The following WIPF2 variants were observed in gnomAD, a reference collection of about 807,000 sequenced individuals.
WIPF2 encodes the protein WAS/WASL interacting protein family member 2.
WIPF2 carries 23 observed loss-of-function variants against 38.8 expected under a neutral mutation model. The ratio of observed to expected loss-of-function variants is 0.59; its 90% CI spans 0.43 to 0.84. WIPF2 has a LOEUF of 0.84. Among genes scored for constraint, WIPF2 ranks in the 40% least tolerant of loss-of-function variants. The pLI is 0.00. For missense variants in WIPF2, 574 were observed against 580.5 expected (o/e 0.99, Z 0.11); for synonymous variants, 210 against 223.2 (o/e 0.94, Z 0.53).
chr17:40,231,336 C>T (rs529037746), intron 1 of WIPF2, among the ~76,000 whole-genome samples: 2 of 151,846 alleles, frequency 1.3e-5, no homozygotes, highest in South Asian at 4.2e-4. Context: ...TATGGAGCAT[C>T]TGTTTAAGTT....
chr17:40,260,487 G>A (rs1364958091), intron 2 of WIPF2, 48 bp from the exon 3 acceptor site: 12 of 1,601,344 alleles, frequency 7.5e-6, no homozygotes, highest in African/African-American at 1.3e-5. Flanking sequence ...GCACCCGGCC[G>A]ATAAAGGGAA....
chr17:40,232,799 C>T (rs943826592), intron 1 of WIPF2, among the ~76,000 whole-genome samples: 9 of 150,812 alleles, frequency 6.0e-5, no homozygotes, highest in East Asian at 4.0e-4. Context: ...CCACCATGCC[C>T]GGCTAATTTT....
chr17:40,235,321 A>C (rs2030923034), intron 1 of WIPF2, among the ~76,000 whole-genome samples: 1 of 152,202 alleles, frequency 6.6e-6, no homozygotes, highest in South Asian at 2.1e-4. Context: ...TTACAAAAGA[A>C]AAAAAATTTA....
intron 1 of WIPF2, among the ~76,000 whole-genome samples, chr17:40,232,132 C>T (rs2030770083): frequency 1.4e-5 from 2 of 145,088 alleles, no homozygotes; most frequent in African/African-American, 2.5e-5. Flanking sequence ...CCCACCTCAG[C>T]GTCCTGAGTA....
In WIPF2 at chr17:40,281,189, C is replaced by A. The variant is rs1598507295; in HGVS notation, c.*2964C>A. On this transcript the variant is annotated 3_prime_UTR_variant, in exon 8 of 8. Coordinates refer to ENST00000323571, the MANE Select transcript of WIPF2 (RefSeq NM_133264.5). Reference sequence around the variant, plus strand: ...TGCCCAGTCCCATTAACTCCCTTGTCCCCCCACAGAAGGAAGAGACATTGC... The same window carrying A: ...TGCCCAGTCCCATTAACTCCCTTGTACCCCCACAGAAGGAAGAGACATTGC... 1 of 152,194 alleles carries A rather than the reference C, an allele frequency of 6.6e-6. No individual in the cohort carries two copies. The highest frequency in any genetic ancestry group is 2.4e-5 in the African/African-American group (1 of 41,512). 9.4% of individuals were successfully genotyped at this position (152,194 alleles called of 1,614,324 possible).
In WIPF2 at chr17:40,282,818, CT is replaced by C; in HGVS notation, c.*4594del. 6.6e-6 allele frequency: 1 copy of C among 152,220 alleles called. No homozygotes were observed. Among genetic ancestry groups the C allele is most frequent in the East Asian group, 1.9e-4 (1 of 5,178 alleles). 9.4% of individuals were successfully genotyped at this position (152,220 alleles called of 1,614,324 possible). ...TTCCAGGTCCCTTGAAAAAGTAGAT[CT>C]ACTGAATTGGGCAGACTCATCTATA... On this transcript the variant is annotated 3_prime_UTR_variant, in exon 8 of 8. Coordinates refer to ENST00000323571, the MANE Select transcript of WIPF2 (RefSeq NM_133264.5).
At chr17:40,251,096 A>G (rs185591451) in intron 1 of WIPF2, among the ~76,000 whole-genome samples, 2 of 151,676 alleles carry the variant, frequency 1.3e-5, no homozygotes, top group African/African-American at 4.8e-5. Context: ...TATGTTTCTT[A>G]GTAGAGACGG....
intron 1 of WIPF2, among the ~76,000 whole-genome samples, chr17:40,226,116 C>CA (rs2030470745): frequency 6.8e-6 from 1 of 147,058 alleles, no homozygotes; most frequent in African/African-American, 2.5e-5. Flanking sequence ...ATCGAATAAT[C>CA]TTTTTTTTTC....
intron 1 of WIPF2, among the ~76,000 whole-genome samples, chr17:40,245,346 CTTT>C (rs537431593): frequency 1.4e-5 from 2 of 143,686 alleles, no homozygotes; most frequent in Non-Finnish European, 1.5e-5. Context: ...CCAGATAATT[CTTT>C]TTTTTTTTTT....
At chr17:40,270,818 A>G (rs953776951) in intron 5 of WIPF2, among the ~76,000 whole-genome samples, 1 of 152,016 alleles carries the variant, frequency 6.6e-6, no homozygotes, top group Admixed American at 6.6e-5. Flanking sequence ...ACAGTGAGGA[A>G]GAGTTGACAT....
intron 5 of WIPF2, among the ~76,000 whole-genome samples, chr17:40,268,776 A>AT (rs1475338074): frequency 1.3e-5 from 2 of 152,142 alleles, no homozygotes; most frequent in African/African-American, 4.8e-5. Flanking sequence ...AAATTGAGAT[A>AT]TTTTAGTCAG....
rs1055785825 is a variant in WIPF2 at position 40,282,556 on chromosome 17, A to G, written c.*4331A>G. ...TATTTTGGAGTTATATTCTGATTAC[A>G]GTGCTCCCTCTCCCAAATAGCATTG... On this transcript the variant is annotated 3_prime_UTR_variant, in exon 8 of 8. Coordinates refer to ENST00000323571, the MANE Select transcript of WIPF2 (RefSeq NM_133264.5). 6.6e-6 allele frequency: 1 copy of G among 152,240 alleles called. No homozygotes were observed. Among genetic ancestry groups the G allele is most frequent in the Non-Finnish European group, 1.5e-5 (1 of 68,050 alleles). The allele number at this position is 152,240 out of a possible 1,614,324, so 9.4% of individuals were successfully genotyped here. A position where few individuals can be genotyped will look rare whatever the true frequency, so the allele number is the denominator to read the frequency against.
Position 40,264,979 on chromosome 17 carries a change from C to A in WIPF2, c.803C>A (p.Pro268His). ...GGGGTCCCCAATGGACCCTCTAGCCCCACTAATGAGTCAGCCCCTGAGCTG... is the reference window on the plus strand; with the variant it reads ...GGGGTCCCCAATGGACCCTCTAGCCACACTAATGAGTCAGCCCCTGAGCTG... ...PPGVPNGPSS[P>H]TNESAPELPQ... The change falls in exon 5 of 8, where the codon CCC becomes CAC. Residue 268 changes from proline to histidine, a missense_variant. Pro to His is a moderately conservative substitution (Grantham distance 77). Coordinates refer to ENST00000323571, the MANE Select transcript of WIPF2 (RefSeq NM_133264.5). The A allele has an allele frequency of 6.2e-7, 1 of 1,614,166 alleles. No individual in the cohort carries two copies. Among genetic ancestry groups the A allele is most frequent in the South Asian group, 1.1e-5 (1 of 91,084 alleles).
At chr17:40,273,436 G>A (rs2032300789) in intron 5 of WIPF2, among the ~76,000 whole-genome samples, 1 of 152,176 alleles carries the variant, frequency 6.6e-6, no homozygotes, top group African/African-American at 2.4e-5. Flanking sequence ...AATGAATTTG[G>A]AGGGGTAAGA....
chr17:40,250,281 C>T lies in WIPF2; in HGVS notation c.-69-6110C>T, dbSNP rs1318753857. ...GTCTCGCTCTGTCAACCCAAGCTGGCGTGCAGTGGCGCATTCTCGGCTCAC... is the reference window on the plus strand; with the variant it reads ...GTCTCGCTCTGTCAACCCAAGCTGGTGTGCAGTGGCGCATTCTCGGCTCAC... On this transcript the variant is annotated intron_variant, in intron 1 of 7. Transcript: ENST00000323571. Among the ~76,000 whole-genome samples, 2 of 115,292 alleles carry T rather than the reference C, an allele frequency of 1.7e-5. 1 individual carries two copies. Among genetic ancestry groups the T allele is most frequent in the Non-Finnish European group, 3.3e-5 (2 of 60,830 alleles). 75.6% of individuals were successfully genotyped at this position (115,292 alleles called of 152,430 possible).
rs753542277 is a variant in WIPF2 at position 40,256,426 on chromosome 17, A to G, written c.-34A>G. 3 of 1,596,040 alleles carry G rather than the reference A, an allele frequency of 1.9e-6. No individual in the cohort carries two copies. Among genetic ancestry groups the G allele is most frequent in the Admixed American group, 3.6e-5 (2 of 55,298 alleles). On this transcript the variant is annotated 5_prime_UTR_variant, in exon 2 of 8. Transcript: ENST00000323571. ...GACCTAAAGGTACAAATAAAGACGGAGAGAGAACAGTGCCAACTGGGAGCA... is the reference window on the plus strand; with the variant it reads ...GACCTAAAGGTACAAATAAAGACGGGGAGAGAACAGTGCCAACTGGGAGCA...
chr17:40,250,914 C>CTTTTTTTT (rs1020649049), intron 1 of WIPF2, among the ~76,000 whole-genome samples: 7 of 90,342 alleles, frequency 7.7e-5, no homozygotes, highest in South Asian at 4.0e-4. Context: ...CTATTAGATT[C>CTTTTTTTT]TTTTTTTTTT....
intron 1 of WIPF2, among the ~76,000 whole-genome samples, chr17:40,253,164 G>A (rs370002486): frequency 2.7e-5 from 4 of 150,624 alleles, no homozygotes; most frequent in Non-Finnish European, 5.9e-5. Flanking sequence ...CCAGGTTCAC[G>A]CCATTCTCCT....
chr17:40,232,137 T>C (rs1183583200), intron 1 of WIPF2, among the ~76,000 whole-genome samples: 1 of 148,586 alleles, frequency 6.7e-6, no homozygotes, highest in Non-Finnish European at 1.5e-5. Flanking sequence ...CTCAGCGTCC[T>C]GAGTAGCTGG....
Sources: allele counts gnomAD v4.1 joint callset (sites outside exome capture counted in the v4.1 genomes callset), GRCh38; gene constraint gnomAD v4.1.1; transcripts MANE v1.5; gene names NCBI Gene and HGNC (gene_info 2026-07-23, HGNC 2026-07-21).